The following ZFAT variants were observed in gnomAD, a reference collection of about 807,000 sequenced individuals.
The protein encoded by ZFAT is zinc finger protein ZFAT.
ZFAT carries 64 observed loss-of-function variants against 117.7 expected under a neutral mutation model. That is an observed-to-expected ratio of 0.54 (90% CI 0.44 to 0.67). The LOEUF (loss-of-function observed/expected upper bound fraction) is 0.67, where lower values mean the gene tolerates loss of function less well. Among genes scored for constraint, ZFAT ranks in the 30% least tolerant of loss-of-function variants. ZFAT has a pLI of 0.00. For missense variants in ZFAT, 1,433 were observed against 1,584.5 expected (o/e 0.90, Z 1.62); for synonymous variants, 679 against 615.0 (o/e 1.10, Z -1.54).
chr8:134,663,486 C>T (rs1238909335), intron 1 of ZFAT, among the ~76,000 whole-genome samples: 1 of 152,138 alleles, frequency 6.6e-6, no homozygotes, highest in East Asian at 1.9e-4. Flanking sequence ...TGCCTGTAAT[C>T]CCAGCACTTC....
the ZFAT span, among the ~76,000 whole-genome samples, chr8:134,733,652 G>A: frequency 5.9e-5 from 9 of 152,380 alleles, no homozygotes; most frequent in African/African-American, 1.7e-4. Flanking sequence ...CTAGCTAAAG[G>A]TGGTTGCTTG....
At chr8:134,593,886 C>T (rs746556131) in intron 7 of ZFAT, among the ~76,000 whole-genome samples, 1 of 152,194 alleles carries the variant, frequency 6.6e-6, no homozygotes, top group Non-Finnish European at 1.5e-5. Context: ...GACTCTCAGG[C>T]GCTCGAATGC....
Position 134,521,843 on chromosome 8 carries a change from G to A in ZFAT, c.3116-842C>T, listed in dbSNP as rs114532299. Among the ~76,000 whole-genome samples the A allele has an allele frequency of 3.9e-3, 597 of 152,302 alleles. 6 individuals are homozygous for A. Among genetic ancestry groups the A allele is most frequent in the African/African-American group, 0.013 (555 of 41,552 alleles). ...AGGCTGATGCTGGCACCACCGGGCC[G>A]CCACCCTGAGCTGGGCCAGGGGAAT... On this transcript the variant is annotated intron_variant, in intron 12 of 15. Coordinates refer to ENST00000377838, the MANE Select transcript of ZFAT (RefSeq NM_020863.4).
At chr8:134,665,163 G>A (rs1442667148) in intron 1 of ZFAT, among the ~76,000 whole-genome samples, 1 of 152,192 alleles carries the variant, frequency 6.6e-6, no homozygotes, top group Non-Finnish European at 1.5e-5. Context: ...GCTATGAACT[G>A]GAATATGAAT....
chr8:134,488,625 G>C (rs1161100545), intron 15 of ZFAT, among the ~76,000 whole-genome samples: 2 of 152,168 alleles, frequency 1.3e-5, no homozygotes, highest in Admixed American at 1.3e-4. Flanking sequence ...TTTAGCATGT[G>C]TCAGATGCTC....
intron 3 of ZFAT, among the ~76,000 whole-genome samples, chr8:134,618,013 G>C (rs192750426): frequency 6.6e-6 from 1 of 152,012 alleles, no homozygotes; most frequent in African/African-American, 2.4e-5. Context: ...AGGGGTTTCC[G>C]CTTTTGCTTC....
chr8:134,702,413 C>T (rs531850072), intron 1 of ZFAT, among the ~76,000 whole-genome samples: 1 of 152,264 alleles, frequency 6.6e-6, no homozygotes, highest in African/African-American at 2.4e-5. Context: ...AATTGTAGCC[C>T]CCATAATTCC....
intron 10 of ZFAT, chr8:134,565,677 T>A (rs1563855900): frequency 1.7e-6 from 1 of 584,798 alleles, no homozygotes. Flanking sequence ...AGCAATGACA[T>A]TCGATCAGGC....
chr8:134,821,835 G>T, the ZFAT span, among the ~76,000 whole-genome samples: 1 of 152,128 alleles, frequency 6.6e-6, no homozygotes, highest in Non-Finnish European at 1.5e-5. Flanking sequence ...ACTCCTCTGT[G>T]TAACCAAACA....
the ZFAT span, among the ~76,000 whole-genome samples, chr8:134,760,149 T>C: frequency 6.7e-6 from 1 of 150,136 alleles, no homozygotes; most frequent in Non-Finnish European, 1.5e-5. Flanking sequence ...GCACCTGCAG[T>C]CCCAGCTACC....
chr8:134,645,902 T>C lies in ZFAT; in HGVS notation c.197-8190A>G, dbSNP rs1274568133. On this transcript the variant is annotated intron_variant, in intron 2 of 15. Transcript: ENST00000377838. ...CATTTTAGGCCATAAGTTAAGTCTC[T>C]ATAAATTTAAAAGAACTGAGCCAGG... 3.9e-5 allele frequency among the ~76,000 whole-genome samples: 6 copies of C among 152,148 alleles called. No individual in the cohort carries two copies. The East Asian group carries it at 9.6e-4, about 24-fold the overall frequency.
At chr8:134,660,779 A>C (rs1266947101) in intron 1 of ZFAT, among the ~76,000 whole-genome samples, 2 of 152,248 alleles carry the variant, frequency 1.3e-5, no homozygotes, top group African/African-American at 2.4e-5. Flanking sequence ...TCAAAGGTAC[A>C]CAAAGCACTG....
the ZFAT span, among the ~76,000 whole-genome samples, chr8:134,718,446 C>T: frequency 2.2e-4 from 33 of 152,082 alleles, no homozygotes; most frequent in African/African-American, 6.5e-4. Context: ...TGCAGTGAGC[C>T]GAGATCACGC....
chr8:134,591,738 G>C (rs1489928121), intron 7 of ZFAT, among the ~76,000 whole-genome samples: 1 of 152,166 alleles, frequency 6.6e-6, no homozygotes, highest in Non-Finnish European at 1.5e-5. Context: ...TGCAGATGGA[G>C]GCAGAGACCA....
At position 134,540,183 on chromosome 8, in the gene ZFAT, C is replaced by T. The variant is rs564507878; in HGVS notation, c.2977-7211G>A. Among the ~76,000 whole-genome samples, 11 of 152,188 alleles carry T rather than the reference C, an allele frequency of 7.2e-5. No individual in the cohort carries two copies. In the South Asian group the frequency reaches 1.0e-3, roughly 14 times the overall value. ...AAAGAGAAGCAGGATTGGAACAGCA[C>T]ACTGGAATGCAGGGGCAGGCAGCCA... On this transcript the variant is annotated intron_variant, in intron 11 of 15. Transcript: ENST00000377838.
At chr8:134,667,177 T>C (rs1832269115) in intron 1 of ZFAT, among the ~76,000 whole-genome samples, 1 of 151,962 alleles carries the variant, frequency 6.6e-6, no homozygotes, top group African/African-American at 2.4e-5. Context: ...GACAAAAAGG[T>C]AATGCACGCA....
intron 2 of ZFAT, among the ~76,000 whole-genome samples, chr8:134,654,419 G>A (rs1392793405): frequency 6.6e-6 from 1 of 152,194 alleles, no homozygotes; most frequent in Admixed American, 6.5e-5. Context: ...CAGTCTGGAG[G>A]AGATAAGGGA....
Position 134,610,624 on chromosome 8 carries a change from C to T in ZFAT, c.480G>A (p.Lys160=), listed in dbSNP as rs2130970287. 1.2e-6 allele frequency: 2 copies of T among 1,614,160 alleles called. No individual in the cohort carries two copies. Among genetic ancestry groups the T allele is most frequent in the East Asian group, 2.2e-5 (1 of 44,878 alleles). ...GNESDLELEK[K]CKEDDREKAS... ...CTTTTTCCCGATCATCTTCCTTACA[C>T]TTCTTTTCTAGTTCAAGGTCAGACT... The change falls in exon 4 of 16, where the codon AAG becomes AAA. Residue 160 remains lysine, a synonymous_variant. Transcript: ENST00000377838.
Position 134,602,471 on chromosome 8 carries a change from C to T in ZFAT, c.1248G>A (p.Glu416=). 1 of 1,613,874 alleles carries T rather than the reference C, an allele frequency of 6.2e-7. No homozygotes were observed. The highest frequency in any genetic ancestry group is 2.2e-5 in the East Asian group (1 of 44,876). ...CCAGCATATGGCGGTCACGGTCCAG[C>T]TCGTTCTTGAACTTGCGCTCACAGA... ...CHICERKFKN[E]LDRDRHMLVH... is the part of the protein sequence containing the mutation. Residue 416 remains glutamate, a synonymous_variant, in exon 6 of 16, where the codon GAG becomes GAA. Transcript: ENST00000377838.
Sources: allele counts gnomAD v4.1 joint callset (sites outside exome capture counted in the v4.1 genomes callset), GRCh38; gene constraint gnomAD v4.1.1; transcripts MANE v1.5; gene names NCBI Gene and HGNC (gene_info 2026-07-23, HGNC 2026-07-21).